The following CADPS2 variants were observed in gnomAD, a reference collection of about 807,000 sequenced individuals.
CADPS2 encodes the protein calcium-dependent secretion activator 2.
CADPS2 carries 93 observed loss-of-function variants against 172.5 expected under a neutral mutation model. That is an observed-to-expected ratio of 0.54 (90% CI 0.46 to 0.64). The LOEUF is 0.64. Among genes scored for constraint, CADPS2 ranks in the 30% least tolerant of loss-of-function variants. CADPS2 has a pLI of 0.00. For synonymous variants in CADPS2, 546 were observed against 555.2 expected (o/e 0.98, Z 0.23); for missense variants, 1,420 against 1,565.9 (o/e 0.91, Z 1.57).
At chr7:122,399,660 C>CTTTTTTTTTTTTTTTTTTTTTTTTTTT (rs1008163151) in intron 20 of CADPS2, among the ~76,000 whole-genome samples, 3 of 51,210 alleles carry the variant, frequency 5.9e-5, no homozygotes, top group Non-Finnish European at 7.4e-5. Context: ...GGGTGGGTTT[C>CTTTTTTTTTTTTTTTTTTTTTTTTTTT]TTTTTTTTTT....
intron 3 of CADPS2, among the ~76,000 whole-genome samples, chr7:122,632,748 A>G (rs953410275): frequency 7.2e-5 from 11 of 152,050 alleles, no homozygotes; most frequent in Non-Finnish European, 1.6e-4. Context: ...GCTTTTGTGG[A>G]CTTAGCCATA....
At chr7:122,426,043 G>A (rs1262658914) in intron 17 of CADPS2, 1 of 152,274 alleles carries the variant, frequency 6.6e-6, no homozygotes, top group Non-Finnish European at 1.5e-5. Context: ...CTGTTCAGTG[G>A]GCAATGGCAG....
rs930447965 is a variant in CADPS2 at position 122,481,426 on chromosome 7, T to A, written c.1853-566A>T. ...GCCTTGACAATAAATTGATATCAAA[T>A]AACAGAAAGGTTTTGTTAGAAACAG... On this transcript the variant is annotated intron_variant, in intron 11 of 29. Transcript: ENST00000449022. 3.3e-4 allele frequency among the ~76,000 whole-genome samples: 50 copies of A among 152,286 alleles called. 1 individual carries two copies. Among genetic ancestry groups the A allele is most frequent in the African/African-American group, 1.2e-3 (50 of 41,562 alleles).
intron 10 of CADPS2, among the ~76,000 whole-genome samples, chr7:122,490,945 G>C (rs1187745381): frequency 6.6e-6 from 1 of 151,938 alleles, no homozygotes; most frequent in East Asian, 1.9e-4. Context: ...GTATTGTTGG[G>C]GAGAAAATTA....
chr7:122,652,058 GC>G (rs1436870425), intron 3 of CADPS2, among the ~76,000 whole-genome samples: 2 of 152,112 alleles, frequency 1.3e-5, no homozygotes, highest in Non-Finnish European at 2.9e-5. Flanking sequence ...CTGTCCCTCT[GC>G]CCAGAACACC....
intron 1 of CADPS2, among the ~76,000 whole-genome samples, chr7:122,795,073 A>C (rs1796078495): frequency 6.6e-6 from 1 of 152,228 alleles, no homozygotes; most frequent in East Asian, 1.9e-4. Flanking sequence ...GAGAACCAAG[A>C]GCAAACAAAT....
chr7:122,582,840 C>T (rs1253939537), intron 6 of CADPS2, among the ~76,000 whole-genome samples: 1 of 151,922 alleles, frequency 6.6e-6, no homozygotes, highest in African/African-American at 2.4e-5. Context: ...AATAGGTTTC[C>T]ATAGAATTTG....
intron 28 of CADPS2, among the ~76,000 whole-genome samples, chr7:122,341,328 C>A (rs1053877055): frequency 2.0e-5 from 3 of 152,088 alleles, no homozygotes; most frequent in African/African-American, 7.2e-5. Context: ...AAGTACAAGA[C>A]CCTTTATGCA....
chr7:122,526,163 G>A (rs753873603), intron 8 of CADPS2, among the ~76,000 whole-genome samples: 5 of 147,386 alleles, frequency 3.4e-5, no homozygotes, highest in Non-Finnish European at 4.5e-5. Flanking sequence ...ACACTGTGTT[G>A]ATATCCTTTG....
intron 1 of CADPS2, among the ~76,000 whole-genome samples, chr7:122,867,470 T>C (rs562261214): frequency 4.6e-5 from 7 of 152,214 alleles, no homozygotes; most frequent in Middle Eastern, 3.4e-3. Context: ...AAATATCAAC[T>C]CCCAGCTTAT....
At chr7:122,729,769 A>G (rs1226337170) in intron 2 of CADPS2, among the ~76,000 whole-genome samples, 1 of 150,514 alleles carries the variant, frequency 6.6e-6, no homozygotes, top group Non-Finnish European at 1.5e-5. Context: ...CAGATAGGGA[A>G]ACAGTTCCAA....
intron 2 of CADPS2, among the ~76,000 whole-genome samples, chr7:122,691,865 C>G (rs1044610969): frequency 6.6e-6 from 1 of 152,196 alleles, no homozygotes; most frequent in Non-Finnish European, 1.5e-5. Flanking sequence ...GAGATGTGCA[C>G]AGTGGACAAG....
At chr7:122,351,941 CAA>C (rs2038718370) in intron 27 of CADPS2, among the ~76,000 whole-genome samples, 1 of 152,078 alleles carries the variant, frequency 6.6e-6, no homozygotes, top group Admixed American at 6.6e-5. Flanking sequence ...AAAATCCTTT[CAA>C]AGAGAAGTTT....
chr7:122,393,400 G>A (rs1455119611), intron 21 of CADPS2, 41 bp downstream of exon 21: 1 of 1,613,136 alleles, frequency 6.2e-7, no homozygotes. Context: ...GGTCAGGGTT[G>A]AAGAGGCAGG....
intron 23 of CADPS2, 30 bp downstream of exon 23, chr7:122,388,553 T>C: frequency 1.9e-6 from 3 of 1,551,924 alleles, no homozygotes; most frequent in South Asian, 2.4e-5. Context: ...TGCTGGCACA[T>C]TAAGCAGCAA....
intron 8 of CADPS2, among the ~76,000 whole-genome samples, chr7:122,539,451 G>T (rs893094483): frequency 2.0e-5 from 3 of 152,002 alleles, no homozygotes; most frequent in African/African-American, 7.2e-5. Context: ...AACACAAAAT[G>T]GACTAAGACA....
chr7:122,536,231 G>T (rs1252959036), intron 8 of CADPS2, among the ~76,000 whole-genome samples: 2 of 152,030 alleles, frequency 1.3e-5, no homozygotes, highest in African/African-American at 4.8e-5. Flanking sequence ...TAGAAAAATA[G>T]AAGTATTTAA....
At chr7:122,497,936 A>C (rs1322183167) in intron 9 of CADPS2, among the ~76,000 whole-genome samples, 1 of 152,168 alleles carries the variant, frequency 6.6e-6, no homozygotes, top group East Asian at 1.9e-4. Flanking sequence ...AGACTTATGA[A>C]AGTTCAACTG....
intron 1 of CADPS2, among the ~76,000 whole-genome samples, chr7:122,816,478 A>G (rs1378837874): frequency 1.3e-5 from 2 of 152,198 alleles, no homozygotes; most frequent in Admixed American, 6.5e-5. Context: ...GGCTATTGTG[A>G]ATAGTGCTGC....
Sources: allele counts gnomAD v4.1 joint callset (sites outside exome capture counted in the v4.1 genomes callset), GRCh38; gene constraint gnomAD v4.1.1; transcripts MANE v1.5; gene names NCBI Gene and HGNC (gene_info 2026-07-23, HGNC 2026-07-21).